Variants in CRYBG1 observed in about 807,000 individuals in gnomAD.
The protein encoded by CRYBG1 is crystallin beta-gamma domain containing 1.
Under a neutral mutation model 189.2 loss-of-function variants are expected in CRYBG1, and 139 were observed. The ratio of observed to expected loss-of-function variants is 0.73; its 90% CI spans 0.64 to 0.85. The LOEUF (loss-of-function observed/expected upper bound fraction) is 0.85, where lower values mean the gene tolerates loss of function less well. Ranked by LOEUF, CRYBG1 falls within the 40% of genes least tolerant of loss-of-function variation. The probability of loss-of-function intolerance (pLI) is 0.00; values close to 1 mark genes in which losing one functional copy is unlikely to be tolerated. For synonymous variants in CRYBG1, 1,023 were observed against 1,017.1 expected (o/e 1.01, Z -0.11); for missense variants, 2,611 against 2,675.8 (o/e 0.98, Z 0.53).
At chr6:106,537,759 G>A (rs535218076) in intron 8 of CRYBG1, among the ~76,000 whole-genome samples, 19 of 152,262 alleles carry the variant, frequency 1.2e-4, no homozygotes, top group African/African-American at 4.3e-4. Flanking sequence ...TCTTCCCCAG[G>A]AACCATCATC....
At chr6:106,394,661 T>C (rs1038515111) in intron 1 of CRYBG1, among the ~76,000 whole-genome samples, 1 of 152,222 alleles carries the variant, frequency 6.6e-6, no homozygotes. Context: ...AACAAGTATG[T>C]TAAGTTTGTT....
chr6:106,523,271 A>G (rs927633078), intron 4 of CRYBG1, among the ~76,000 whole-genome samples: 1 of 152,228 alleles, frequency 6.6e-6, no homozygotes, highest in Non-Finnish European at 1.5e-5. Flanking sequence ...GAATCAGCCT[A>G]TGGTACTCAG....
chr6:106,370,700 A>C (rs1445282494), intron 1 of CRYBG1, among the ~76,000 whole-genome samples: 1 of 152,190 alleles, frequency 6.6e-6, no homozygotes, highest in Non-Finnish European at 1.5e-5. Flanking sequence ...CAGGTGGAGG[A>C]AGCAGGACTA....
At chr6:106,380,149 C>T (rs1484302019) in intron 1 of CRYBG1, among the ~76,000 whole-genome samples, 1 of 152,136 alleles carries the variant, frequency 6.6e-6, no homozygotes, top group Non-Finnish European at 1.5e-5. Flanking sequence ...CACAAGACAC[C>T]TTTCTGATCA....
intron 18 of CRYBG1, among the ~76,000 whole-genome samples, chr6:106,559,951 C>A (rs560142208): frequency 6.6e-6 from 1 of 150,934 alleles, no homozygotes; most frequent in African/African-American, 2.4e-5. Flanking sequence ...AAAAATTAGT[C>A]GGGTGTGGTG....
chr6:106,525,106 G>C, intron 4 of CRYBG1, 27 bp from the exon 5 acceptor site: 3 of 1,611,982 alleles, frequency 1.9e-6, no homozygotes, highest in Non-Finnish European at 2.5e-6. Context: ...GTAATTATTT[G>C]TTGTGTTTTT....
At chr6:106,419,787 C>A (rs1372802913) in intron 1 of CRYBG1, among the ~76,000 whole-genome samples, 1 of 152,228 alleles carries the variant, frequency 6.6e-6, no homozygotes, top group Non-Finnish European at 1.5e-5. Flanking sequence ...GCAAGCTCCA[C>A]TCTGACTTAT....
intron 1 of CRYBG1, among the ~76,000 whole-genome samples, chr6:106,425,960 C>A (rs539168112): frequency 6.6e-6 from 1 of 152,098 alleles, no homozygotes. Context: ...AATTCATGAC[C>A]ACATATGCTG....
intron 1 of CRYBG1, among the ~76,000 whole-genome samples, chr6:106,369,207 G>C (rs1769964790): frequency 6.6e-6 from 1 of 152,176 alleles, no homozygotes; most frequent in Admixed American, 6.5e-5. Context: ...CTCTCTCACT[G>C]GCATGTTATA....
intron 2 of CRYBG1, among the ~76,000 whole-genome samples, chr6:106,477,143 G>A (rs769138550): frequency 1.3e-5 from 2 of 152,146 alleles, no homozygotes; most frequent in Non-Finnish European, 2.9e-5. Context: ...AGCTGTTTTG[G>A]TGATGTGTTT....
At position 106,415,595 on chromosome 6, in the gene CRYBG1, ATATAC is replaced by A. The variant is rs1771007261; in HGVS notation, c.174-36098_174-36094del. ...ATGAAAATTAGCCAGGCATGGTGGT[ATATAC>A]CTGTAGACCCAGCTACTCAGGATAC... On this transcript the variant is annotated intron_variant, in intron 1 of 21. Transcript: ENST00000633556. Among the ~76,000 whole-genome samples, 4 of 152,172 alleles carry A rather than the reference ATATAC, an allele frequency of 2.6e-5. No individual in the cohort carries two copies. The South Asian group carries it at 8.3e-4, about 32-fold the overall frequency.
chr6:106,552,924 C>T (rs1207463833), intron 15 of CRYBG1, among the ~76,000 whole-genome samples: 1 of 152,152 alleles, frequency 6.6e-6, no homozygotes, highest in African/African-American at 2.4e-5. Context: ...TTTCTGAATG[C>T]TGATTCTTAA....
rs17067080 is a variant in CRYBG1, at chr6:106,475,156, A to G, written c.312+23324A>G. Among the ~76,000 whole-genome samples, 173 of 152,312 alleles carry G rather than the reference A, an allele frequency of 1.1e-3. 2 individuals carry two copies. The East Asian group carries it at 0.03, about 27-fold the overall frequency. The stretch of plus-strand genomic sequence containing the variant: ...GAATAAATATATAAAAATCACCCGA[A>G]TGTTTCAAATGCCAGATCTTCAAGG... On this transcript the variant is annotated intron_variant, in intron 2 of 21. Transcript: ENST00000633556.
intron 2 of CRYBG1, among the ~76,000 whole-genome samples, chr6:106,497,026 G>T (rs9480677): frequency 0.24 from 36,696 of 152,030 alleles, 4,626 homozygotes; most frequent in African/African-American, 0.29. Flanking sequence ...TGAGGCTCCC[G>T]CTGCCTGCCA....
In CRYBG1 at chr6:106,512,833, G is replaced by A; in HGVS notation, c.1716G>A (p.Pro572=). 4 of 1,578,884 alleles carry A rather than the reference G, an allele frequency of 2.5e-6. No homozygotes were observed. The highest frequency in any genetic ancestry group is 1.1e-5 in the South Asian group (1 of 87,128). The change falls in exon 3 of 22, where the codon CCG becomes CCA. Residue 572 remains proline (P), a synonymous_variant. Transcript: ENST00000633556. ...CGCGGGCCATCCCCCGCGAGCTCCC[G>A]GTCAAGAGCAGCTCGCTGCTGCCGG... is the stretch of plus-strand genomic sequence containing the variant. ...EAARAIPREL[P]VKSSSLLPEI...
chr6:106,473,471 A>G (rs1772277370), intron 2 of CRYBG1, among the ~76,000 whole-genome samples: 1 of 152,228 alleles, frequency 6.6e-6, no homozygotes, highest in South Asian at 2.1e-4. Flanking sequence ...GTATACACAG[A>G]TATATTTCCT....
intron 4 of CRYBG1, among the ~76,000 whole-genome samples, chr6:106,522,485 C>T (rs1329852379): frequency 6.6e-6 from 1 of 152,182 alleles, no homozygotes; most frequent in African/African-American, 2.4e-5. Flanking sequence ...TTTTATCTCA[C>T]TTCAGAAGAT....
intron 16 of CRYBG1, among the ~76,000 whole-genome samples, chr6:106,555,039 C>T (rs535443596): frequency 5.9e-5 from 9 of 151,952 alleles, no homozygotes; most frequent in Non-Finnish European, 1.3e-4. Context: ...GTGGCATGCA[C>T]CTGTAGTCCC....
intron 21 of CRYBG1, among the ~76,000 whole-genome samples, chr6:106,564,615 C>G (rs1049698203): frequency 3.4e-4 from 5 of 14,788 alleles, no homozygotes; most frequent in African/African-American, 4.6e-4. Context: ...GGGGTGGGGC[C>G]TGATAATTCC....
Sources: gnomAD v4.1 joint callset for allele counts (sites outside exome capture counted in the v4.1 genomes callset) on GRCh38, gnomAD v4.1.1 for gene constraint, MANE v1.5 for transcripts, NCBI Gene and HGNC (gene_info 2026-07-23, HGNC 2026-07-21) for gene names.